The following SLC35F4 variants were observed in gnomAD, a reference collection of about 807,000 sequenced individuals.
SLC35F4 encodes chromosome 14 open reading frame 36.
In SLC35F4, 24 loss-of-function variants were observed where a neutral mutation model predicts 44.2. That is an observed-to-expected ratio of 0.54 (90% CI 0.39 to 0.76). The LOEUF (loss-of-function observed/expected upper bound fraction) is 0.76, where lower values mean the gene tolerates loss of function less well. Among genes scored for constraint, SLC35F4 ranks in the 30% least tolerant of loss-of-function variants. The pLI is 0.00. For synonymous variants in SLC35F4, 238 were observed against 223.6 expected, an observed-to-expected ratio of 1.06 and a Z score of -0.57; for missense variants, 562 against 586.1, an observed-to-expected ratio of 0.96 and a Z score of 0.42.
intron 1 of SLC35F4, among the ~76,000 whole-genome samples, chr14:57,717,745 A>G (rs139692575): frequency 3.3e-5 from 5 of 152,288 alleles, no homozygotes; most frequent in Admixed American, 6.5e-5. Context: ...TAGTAGGTGT[A>G]TATATATTTA....
At chr14:57,716,735 C>T (rs1594869845) in intron 1 of SLC35F4, among the ~76,000 whole-genome samples, 2 of 152,106 alleles carry the variant, frequency 1.3e-5, no homozygotes, top group South Asian at 2.1e-4. Flanking sequence ...GTATGGGGAA[C>T]ATTTGAAATC....
intron 1 of SLC35F4, among the ~76,000 whole-genome samples, chr14:57,886,519 C>T (rs1050468942): frequency 2.0e-5 from 3 of 152,018 alleles, no homozygotes; most frequent in African/African-American, 7.3e-5. Flanking sequence ...AAATCATATC[C>T]CTATTCTTCT....
chr14:57,815,493 C>T (rs957665843), intron 1 of SLC35F4, among the ~76,000 whole-genome samples: 1 of 152,004 alleles, frequency 6.6e-6, no homozygotes, highest in African/African-American at 2.4e-5. Flanking sequence ...TTTACCTGTC[C>T]CCTTAACTTC....
At chr14:57,911,973 T>G (rs1454921249) in intron 1 of SLC35F4, among the ~76,000 whole-genome samples, 1 of 152,012 alleles carries the variant, frequency 6.6e-6, no homozygotes, top group Non-Finnish European at 1.5e-5. Flanking sequence ...ATAGGCTTAA[T>G]CAGATTGTTT....
At chr14:57,752,595 G>T (rs2076911195) in intron 1 of SLC35F4, among the ~76,000 whole-genome samples, 1 of 151,970 alleles carries the variant, frequency 6.6e-6, no homozygotes, top group Non-Finnish European at 1.5e-5. Flanking sequence ...CGAGTAACTG[G>T]GACTACAGGC....
chr14:57,954,200 G>A (rs1396711949), intron 1 of SLC35F4, among the ~76,000 whole-genome samples: 1 of 152,128 alleles, frequency 6.6e-6, no homozygotes, highest in Non-Finnish European at 1.5e-5. Context: ...CAAAATTAAA[G>A]CAGAAATAAA....
chr14:57,705,123 T>C (rs1220744899), intron 1 of SLC35F4, among the ~76,000 whole-genome samples: 2 of 152,190 alleles, frequency 1.3e-5, no homozygotes, highest in African/African-American at 4.8e-5. Context: ...AATTAATATA[T>C]GTTAAAAATT....
At chr14:57,953,197 A>C (rs1890173082) in intron 1 of SLC35F4, among the ~76,000 whole-genome samples, 1 of 152,234 alleles carries the variant, frequency 6.6e-6, no homozygotes, top group Non-Finnish European at 1.5e-5. Flanking sequence ...TCATAAGCGA[A>C]GGAAAACTAA....
chr14:57,653,783 T>C (rs909530707), intron 1 of SLC35F4, among the ~76,000 whole-genome samples: 2 of 152,260 alleles, frequency 1.3e-5, no homozygotes, highest in South Asian at 4.1e-4. Context: ...ACTTAGCATG[T>C]TAGTTTGCTA....
intron 1 of SLC35F4, among the ~76,000 whole-genome samples, chr14:57,759,454 C>T (rs1396348408): frequency 1.3e-5 from 2 of 152,092 alleles, no homozygotes; most frequent in African/African-American, 4.8e-5. Context: ...GTGGTGCATG[C>T]CTGTGATCCC....
At chr14:57,970,275 T>C (rs769424935) in intron 1 of SLC35F4, among the ~76,000 whole-genome samples, 2 of 152,200 alleles carry the variant, frequency 1.3e-5, no homozygotes, top group Non-Finnish European at 2.9e-5. Context: ...AGAGGAAATG[T>C]AAATAAAAAT....
intron 1 of SLC35F4, among the ~76,000 whole-genome samples, chr14:57,981,099 G>A (rs1159654600): frequency 6.6e-6 from 1 of 152,186 alleles, no homozygotes; most frequent in East Asian, 1.9e-4. Context: ...TTCCCACACT[G>A]AAGCCAAAGA....
At chr14:57,581,536 T>G in intron 3 of SLC35F4, 103 bp from the exon 4 acceptor site, 1 of 966,414 alleles carries the variant, frequency 1.0e-6, no homozygotes, top group Non-Finnish European at 1.5e-6. Context: ...AAACACTCAA[T>G]ACCCATCCTT....
At chr14:57,906,090 C>T (rs995208000) in intron 1 of SLC35F4, among the ~76,000 whole-genome samples, 3 of 152,178 alleles carry the variant, frequency 2.0e-5, no homozygotes, top group African/African-American at 7.2e-5. Context: ...GTGCATCCCC[C>T]TGGTGACCAA....
chr14:57,708,773 C>T (rs776603863), intron 1 of SLC35F4, among the ~76,000 whole-genome samples: 14 of 152,056 alleles, frequency 9.2e-5, no homozygotes, highest in South Asian at 2.1e-4. Context: ...TGCCATGCTG[C>T]GCTGATATTT....
At position 57,629,307 on chromosome 14, in the gene SLC35F4, T is replaced by A. The variant is rs181305323; in HGVS notation, c.104-35183A>T. 8.1e-3 allele frequency among the ~76,000 whole-genome samples: 1,233 copies of A among 152,192 alleles called. 14 individuals are homozygous for A. Among genetic ancestry groups the A allele is most frequent in the African/African-American group, 0.027 (1,140 of 41,532 alleles). On this transcript the variant is annotated intron_variant, in intron 1 of 7. Coordinates refer to ENST00000556826, the MANE Select transcript of SLC35F4 (RefSeq NM_001306087.2). ...TTTGACCTCCACTAAAAATTTTTTT[T>A]AAAAAATCAATTGTTAGGCACAGTG...
chr14:57,916,970 T>C (rs1378826949), intron 1 of SLC35F4, among the ~76,000 whole-genome samples: 2 of 152,166 alleles, frequency 1.3e-5, no homozygotes, highest in African/African-American at 4.8e-5. Context: ...TGATCTCCAT[T>C]ATTACTTTTT....
upstream of SLC35F4, among the ~76,000 whole-genome samples, chr14:57,869,380 A>G (rs1193230536): frequency 6.6e-6 from 1 of 152,142 alleles, no homozygotes; most frequent in African/African-American, 2.4e-5. Context: ...CAGTCTATAC[A>G]CTTTGGAAGG....
chr14:57,766,678 C>T (rs1409122123), intron 1 of SLC35F4, among the ~76,000 whole-genome samples: 2 of 152,200 alleles, frequency 1.3e-5, no homozygotes, highest in Non-Finnish European at 2.9e-5. Context: ...TAGTCATAGG[C>T]TAGTGCCAAG....
Sources: allele counts gnomAD v4.1 joint callset (sites outside exome capture counted in the v4.1 genomes callset), GRCh38; gene constraint gnomAD v4.1.1; transcripts MANE v1.5; gene names NCBI Gene and HGNC (gene_info 2026-07-23, HGNC 2026-07-21).